The following USP53 variants were observed in gnomAD, a reference collection of about 807,000 sequenced individuals.
USP53 encodes the protein ubiquitin carboxyl-terminal hydrolase 53.
Under a neutral mutation model 94.9 loss-of-function variants are expected in USP53, and 71 were observed. The observed-to-expected ratio is 0.75, with a 90% CI of 0.62 to 0.91. The LOEUF is 0.91. Ranked by LOEUF, USP53 falls within the 40% of genes least tolerant of loss-of-function variation. USP53 has a pLI of 0.00. For synonymous variants in USP53, 375 were observed against 422.7 expected (o/e 0.89, Z 1.39); for missense variants, 1,173 against 1,281.0 (o/e 0.92, Z 1.29).
intron 10 of USP53, among the ~76,000 whole-genome samples, 189 bp downstream of exon 10, chr4:119,260,114 T>C (rs961614748): frequency 6.6e-6 from 1 of 152,208 alleles, no homozygotes; most frequent in African/African-American, 2.4e-5. Flanking sequence ...ACTCCTAAGT[T>C]TGTGAAGCAT....
chr4:119,241,392 C>T (rs1216883733), intron 5 of USP53, among the ~76,000 whole-genome samples: 3 of 152,006 alleles, frequency 2.0e-5, no homozygotes, highest in African/African-American at 7.2e-5. Flanking sequence ...AAGGATCTTT[C>T]TTGTAATACA....
chr4:119,243,431 G>C (rs918755946), intron 5 of USP53, among the ~76,000 whole-genome samples: 1 of 152,170 alleles, frequency 6.6e-6, no homozygotes, highest in African/African-American at 2.4e-5. Flanking sequence ...CCAGGAGGTG[G>C]AGGTTGCAGT....
chr4:119,290,724 A>G (rs1168644699), intron 17 of USP53, among the ~76,000 whole-genome samples: 1 of 152,194 alleles, frequency 6.6e-6, no homozygotes. Context: ...ATCCCATTAT[A>G]TAAGTGAGGG....
intron 5 of USP53, among the ~76,000 whole-genome samples, chr4:119,240,641 A>G (rs142419583): frequency 1.3e-5 from 2 of 152,284 alleles, no homozygotes; most frequent in African/African-American, 4.8e-5. Context: ...TTCACTTTTC[A>G]TATGCATTGT....
At chr4:119,251,993 T>C (rs1307332664) in intron 7 of USP53, among the ~76,000 whole-genome samples, 1 of 152,160 alleles carries the variant, frequency 6.6e-6, no homozygotes, top group East Asian at 1.9e-4. Context: ...GAAATAATCA[T>C]GTGGTTTTTG....
chr4:119,256,554 GAT>G, intron 9 of USP53, 31 bp downstream of exon 9: 5 of 1,587,142 alleles, frequency 3.2e-6, no homozygotes, highest in Non-Finnish European at 4.3e-6. Context: ...AATTATCAAC[GAT>G]ATTAATAACA....
At chr4:119,276,372 T>G (rs1429963664) in intron 17 of USP53, among the ~76,000 whole-genome samples, 12 of 142,358 alleles carry the variant, frequency 8.4e-5, no homozygotes, top group South Asian at 2.3e-4. Context: ...GGTTTTTGTC[T>G]TTGGCTCTGT....
chr4:119,260,979 C>G (rs1256847438), intron 11 of USP53, among the ~76,000 whole-genome samples: 2 of 69,558 alleles, frequency 2.9e-5, no homozygotes, highest in South Asian at 4.3e-4. Flanking sequence ...TTTTTTTTTG[C>G]GGCAGAGTCT....
chr4:119,262,704 A>G (rs528335868), intron 12 of USP53, among the ~76,000 whole-genome samples: 3 of 152,200 alleles, frequency 2.0e-5, no homozygotes, highest in Non-Finnish European at 4.4e-5. Flanking sequence ...GAAAATTCAC[A>G]TATAAGTGAA....
At chr4:119,219,930 CTCTT>C (rs1224010792) in intron 3 of USP53, 7 of 152,260 alleles carry the variant, frequency 4.6e-5, no homozygotes, top group African/African-American at 4.8e-5. Context: ...CTGTCTCTCT[CTCTT>C]TCTCAAAACT....
chr4:119,221,491 A>T (rs1036788006), intron 3 of USP53: 1 of 152,112 alleles, frequency 6.6e-6, no homozygotes, highest in Admixed American at 6.6e-5. Context: ...AAAAAAATTT[A>T]AAAAGCTGTT....
At chr4:119,265,709 ACTC>A (rs1751046198) in intron 12 of USP53, among the ~76,000 whole-genome samples, 1 of 149,002 alleles carries the variant, frequency 6.7e-6, no homozygotes, top group Non-Finnish European at 1.5e-5. Flanking sequence ...AAACAAATGG[ACTC>A]CTCAAGTCTC....
chr4:119,253,545 C>CT (rs1274145750), intron 7 of USP53, among the ~76,000 whole-genome samples: 4 of 151,034 alleles, frequency 2.6e-5, no homozygotes, highest in Non-Finnish European at 4.4e-5. Context: ...GCAACCCCTG[C>CT]TTTTTTTTTG....
chr4:119,265,393 A>G (rs1228260292), intron 12 of USP53, among the ~76,000 whole-genome samples: 4 of 152,158 alleles, frequency 2.6e-5, no homozygotes, highest in Non-Finnish European at 5.9e-5. Flanking sequence ...CATAGTTTAA[A>G]TTGTTCAAAA....
At position 119,267,394 on chromosome 4, in the gene USP53, A is replaced by T. The variant is rs537589758; in HGVS notation, c.1047A>T (p.Ala349=). 10 of 1,614,098 alleles carry T rather than the reference A, an allele frequency of 6.2e-6. No individual in the cohort carries two copies. The East Asian group carries it at 2.0e-4, about 32-fold the overall frequency. ...TTCAGCCACTACTTTTGTTTTATGC[A>T]AACCCAGATGGCACAGCAGTTTCTA... The part of the protein sequence containing the change: ...CHFQPLLLFY[A]NPDGTAVSTE... Residue 349 remains alanine, a synonymous_variant, in exon 13 of 19, where the codon GCA becomes GCT. Coordinates refer to ENST00000692078, the MANE Select transcript of USP53 (RefSeq NM_001371395.1).
At chr4:119,279,686 G>C (rs942352599) in intron 17 of USP53, among the ~76,000 whole-genome samples, 1 of 152,124 alleles carries the variant, frequency 6.6e-6, no homozygotes, top group African/African-American at 2.4e-5. Context: ...AATGGCGGGC[G>C]CCCCTCCCCC....
chr4:119,280,882 C>T (rs145627372), intron 17 of USP53, among the ~76,000 whole-genome samples: 2 of 152,260 alleles, frequency 1.3e-5, no homozygotes, highest in African/African-American at 2.4e-5. Flanking sequence ...ACTTCAAACC[C>T]GAAGTGACAC....
At chr4:119,231,338 G>C (rs1039089807) in intron 3 of USP53, among the ~76,000 whole-genome samples, 1 of 152,010 alleles carries the variant, frequency 6.6e-6, no homozygotes, top group Non-Finnish European at 1.5e-5. Flanking sequence ...TTTATTTCTG[G>C]AGTATAGATT....
chr4:119,219,716 A>G (rs1264002229), intron 3 of USP53: 2 of 152,256 alleles, frequency 1.3e-5, no homozygotes, highest in Admixed American at 1.3e-4. Flanking sequence ...CTGTTAAATA[A>G]TTTATATAGC....
Sources: gnomAD v4.1 joint callset for allele counts (sites outside exome capture counted in the v4.1 genomes callset) on GRCh38, gnomAD v4.1.1 for gene constraint, MANE v1.5 for transcripts, NCBI Gene and HGNC (gene_info 2026-07-23, HGNC 2026-07-21) for gene names.